AQP7B: variants seen among roughly 807,000 people sequenced by gnomAD.
AQP7B encodes aquaporin 7B, also known as putative aquaporin-7B.
the AQP7B span, among the ~76,000 whole-genome samples, chr2:94,596,511 G>C: frequency 6.6e-6 from 1 of 152,140 alleles, no homozygotes; most frequent in African/African-American, 2.4e-5. Context: ...GGAACACCAG[G>C]GTTCTTAGCC....
At chr2:94,598,168 T>G in the AQP7B span, among the ~76,000 whole-genome samples, 435 of 152,240 alleles carry the variant, frequency 2.9e-3, 2 homozygotes, top group African/African-American at 9.8e-3. Context: ...GGATATTGTG[T>G]TGTTGTTATT....
the AQP7B span, among the ~76,000 whole-genome samples, chr2:94,598,351 G>C: frequency 2.0e-5 from 3 of 152,338 alleles, no homozygotes; most frequent in East Asian, 1.9e-4. Context: ...AGCTTCCAGG[G>C]GTGTTGCCCT....
At chr2:94,591,241 T>C in the AQP7B span, among the ~76,000 whole-genome samples, 1 of 152,084 alleles carries the variant, frequency 6.6e-6, no homozygotes, top group Non-Finnish European at 1.5e-5. Context: ...CCCAAGTGTC[T>C]AGCGGGCTCC....
the AQP7B span, among the ~76,000 whole-genome samples, chr2:94,590,188 T>G: frequency 6.6e-6 from 1 of 152,014 alleles, no homozygotes; most frequent in Non-Finnish European, 1.5e-5. Flanking sequence ...CAACAAAAAT[T>G]TTTTCTTTTT....
At chr2:94,592,831 TTTTTTTTTTTG>T in the AQP7B span, among the ~76,000 whole-genome samples, 1 of 137,800 alleles carries the variant, frequency 7.3e-6, no homozygotes, top group Admixed American at 7.3e-5. Context: ...TTTTTTTTTT[TTTTTTTTTTTG>T]AGACAGGGTT....
At chr2:94,598,208 G>T in the AQP7B span, among the ~76,000 whole-genome samples, 968 of 152,230 alleles carry the variant, frequency 6.4e-3, 12 homozygotes, top group African/African-American at 0.023. Flanking sequence ...CAAGAAGTGA[G>T]GGCTTTTTTT....
chr2:94,597,982 G>GTTTTTTT, the AQP7B span, among the ~76,000 whole-genome samples: 1 of 152,146 alleles, frequency 6.6e-6, no homozygotes, highest in Admixed American at 6.5e-5. Context: ...AGACTGGCTT[G>GTTTTTTT]TTAATGCTCC....
chr2:94,603,157 T>C, the AQP7B span: 1 of 1,521,614 alleles, frequency 6.6e-7, no homozygotes. Context: ...GCTGCCACCA[T>C]CTACAGTCTC....
the AQP7B span, among the ~76,000 whole-genome samples, chr2:94,593,988 TC>T: frequency 6.6e-6 from 1 of 152,136 alleles, no homozygotes; most frequent in Non-Finnish European, 1.5e-5. Context: ...TAAGACAGAT[TC>T]CCCAGTTTTC....
chr2:94,587,396 G>A, the AQP7B span, among the ~76,000 whole-genome samples: 49 of 152,316 alleles, frequency 3.2e-4, no homozygotes, highest in African/African-American at 1.1e-3. Context: ...AGAATCAGAA[G>A]ACATTTCAGG....
chr2:94,602,177 T>C, the AQP7B span, among the ~76,000 whole-genome samples: 1 of 151,932 alleles, frequency 6.6e-6, no homozygotes. Flanking sequence ...AGCCATCCCC[T>C]CCTTGCAGCC....
chr2:94,597,282 T>A, the AQP7B span, among the ~76,000 whole-genome samples: 1 of 152,286 alleles, frequency 6.6e-6, no homozygotes. Context: ...CTGTTAACCC[T>A]TGGAACCTCA....
chr2:94,604,505 C>A, the AQP7B span: 1 of 1,610,776 alleles, frequency 6.2e-7, no homozygotes. Flanking sequence ...CTCCGTGAGC[C>A]TTGCCAACAG....
chr2:94,591,843 C>G, the AQP7B span, among the ~76,000 whole-genome samples: 12 of 152,272 alleles, frequency 7.9e-5, 1 homozygote, highest in East Asian at 2.3e-3. Flanking sequence ...CCTCCTACCC[C>G]CTCCTCTAGG....
At chr2:94,602,583 C>A in the AQP7B span, 2 of 1,598,176 alleles carry the variant, frequency 1.3e-6, no homozygotes, top group Non-Finnish European at 1.7e-6. Flanking sequence ...TTCGGGGTCA[C>A]CATGGGAGTC....
At chr2:94,594,731 G>C in the AQP7B span, 3 of 1,535,864 alleles carry the variant, frequency 2.0e-6, no homozygotes, top group African/African-American at 2.7e-5. Flanking sequence ...CTGGGCTCGG[G>C]CCACTGTCTC....
At chr2:94,602,970 C>G in the AQP7B span, 1 of 1,492,486 alleles carries the variant, frequency 6.7e-7, no homozygotes, top group Non-Finnish European at 9.1e-7. Context: ...CATCGTTGTT[C>G]TCATACTGTT....
chr2:94,593,454 G>C, the AQP7B span, among the ~76,000 whole-genome samples: 3 of 149,342 alleles, frequency 2.0e-5, no homozygotes, highest in Non-Finnish European at 4.5e-5. Context: ...GCCACACTTA[G>C]AGGTATCTGT....
the AQP7B span, chr2:94,604,350 G>A: frequency 2.5e-6 from 4 of 1,611,026 alleles, no homozygotes; most frequent in Admixed American, 1.7e-5. Flanking sequence ...TCTCTAGGTG[G>A]CATCATCTAC....
Sources: gnomAD v4.1 joint callset for allele counts (sites outside exome capture counted in the v4.1 genomes callset) on GRCh38, gnomAD v4.1.1 for gene constraint, MANE v1.5 for transcripts, NCBI Gene and HGNC (gene_info 2026-07-23, HGNC 2026-07-21) for gene names.